Variants in TUBGCP2 observed in about 807,000 individuals in gnomAD.
TUBGCP2 encodes the protein tubulin gamma complex component 2, also known as gamma-tubulin complex component 2.
In TUBGCP2, 55 loss-of-function variants were observed where a neutral mutation model predicts 92.2. The ratio of observed to expected loss-of-function variants is 0.60; its 90% CI spans 0.48 to 0.75. The LOEUF is 0.75. TUBGCP2 is among the 30% of genes least tolerant of loss of function. The pLI, the probability that TUBGCP2 is intolerant of heterozygous loss-of-function variation, is 0.00. For missense variants in TUBGCP2, 1,093 were observed against 1,188.9 expected, an observed-to-expected ratio of 0.92 and a Z score of 1.19; for synonymous variants, 533 against 505.2, an observed-to-expected ratio of 1.06 and a Z score of -0.74.
chr10:133,310,109 A>C (rs1847955083), upstream of TUBGCP2: 2 of 1,612,002 alleles, frequency 1.2e-6, no homozygotes, highest in South Asian at 2.2e-5. Flanking sequence ...CTACGGGGGC[A>C]TGGCGGTGGG....
chr10:133,283,088 T>C lies in TUBGCP2; in HGVS notation c.2279A>G (p.Asn760Ser). The change falls in exon 15 of 18, where the codon AAC (asparagine) becomes AGC (serine). Residue 760 changes from asparagine to serine, a missense_variant. Physicochemically the swap from Asn to Ser is conservative, Grantham distance 46. Coordinates refer to ENST00000252936, the MANE Select transcript of TUBGCP2 (RefSeq NM_006659.4). ...CCCACACCCACGCACCTGCATGCAG[T>C]TGGTGAACATGACGCACACAGACAT... ...KLMSVCVMFT[N>S]CMQKFTQSMK... 6.2e-7 allele frequency: 1 copy of C among 1,614,032 alleles called. No individual in the cohort carries two copies. Among genetic ancestry groups the C allele is most frequent in the Non-Finnish European group, 8.5e-7 (1 of 1,179,966 alleles).
intron 1 of TUBGCP2, among the ~76,000 whole-genome samples, chr10:133,303,775 G>C (rs534293131): frequency 5.1e-4 from 77 of 152,208 alleles, no homozygotes; most frequent in Non-Finnish European, 9.9e-4. Context: ...CTTCTGGTAG[G>C]ACTTCTACAC....
intron 7 of TUBGCP2, 53 bp downstream of exon 7, chr10:133,292,986 T>C (rs552525534): frequency 2.5e-5 from 40 of 1,582,326 alleles, no homozygotes; most frequent in Admixed American, 3.4e-5. Context: ...CTGGGTGCCA[T>C]GTTCAACACC....
At chr10:133,283,687 C>CT (rs1491487067) in intron 14 of TUBGCP2, among the ~76,000 whole-genome samples, 195 bp downstream of exon 14, 2 of 6,312 alleles carry the variant, frequency 3.2e-4, no homozygotes, top group Non-Finnish European at 7.0e-4. Context: ...CTGCCTCTCC[C>CT]GCATTCCCTG....
At chr10:133,287,836 CA>C (rs1343015841) in intron 11 of TUBGCP2, among the ~76,000 whole-genome samples, 2 of 152,180 alleles carry the variant, frequency 1.3e-5, no homozygotes, top group African/African-American at 4.8e-5. Flanking sequence ...GAAACCCTTT[CA>C]AAAGACAGAT....
intron 5 of TUBGCP2, among the ~76,000 whole-genome samples, chr10:133,296,217 G>A (rs1001667573): frequency 6.6e-6 from 1 of 152,158 alleles, no homozygotes; most frequent in Non-Finnish European, 1.5e-5. Context: ...CCCTGAATGG[G>A]GAAACATGGG....
chr10:133,281,235 A>T, intron 17 of TUBGCP2, 38 bp downstream of exon 17: 1 of 1,601,134 alleles, frequency 6.2e-7, no homozygotes, highest in Non-Finnish European at 8.5e-7. Flanking sequence ...CGCTGGACTG[A>T]GCTGAGGAAG....
upstream of TUBGCP2, chr10:133,309,857 G>C: frequency 8.1e-6 from 13 of 1,613,788 alleles, no homozygotes; most frequent in Non-Finnish European, 1.1e-5. Context: ...ACTACCACAC[G>C]CTGCACGGAA....
At chr10:133,283,053 G>C in intron 15 of TUBGCP2, 25 bp downstream of exon 15, 1 of 1,612,144 alleles carries the variant, frequency 6.2e-7, no homozygotes, top group Non-Finnish European at 8.5e-7. Context: ...CTGCCCACCC[G>C]ATGGTGCTAC....
chr10:133,306,047 T>A (rs1564775357), intron 1 of TUBGCP2, among the ~76,000 whole-genome samples: 1 of 152,190 alleles, frequency 6.6e-6, no homozygotes, highest in Non-Finnish European at 1.5e-5. Flanking sequence ...CCATACGTGG[T>A]AAGTTCTTAC....
chr10:133,296,273 G>T lies in TUBGCP2; in HGVS notation c.616+1679C>A, dbSNP rs41283329. 3.0e-3 allele frequency among the ~76,000 whole-genome samples: 453 copies of T among 152,262 alleles called. 1 individual carries two copies. Among genetic ancestry groups the T allele is most frequent in the Non-Finnish European group, 4.2e-3 (288 of 68,006 alleles). Reference sequence around the variant, plus strand: ...TCAGTGCCTCCTGCTCCAAAAAGCCGGCTCCACTGCTGGGATCCCAGGCAG... The same window carrying T: ...TCAGTGCCTCCTGCTCCAAAAAGCCTGCTCCACTGCTGGGATCCCAGGCAG... On this transcript the variant is annotated intron_variant, in intron 5 of 17. Coordinates refer to ENST00000252936, the MANE Select transcript of TUBGCP2 (RefSeq NM_006659.4).
At chr10:133,312,105 G>A, upstream of TUBGCP2, 1 of 1,445,792 alleles carries the variant, frequency 6.9e-7, no homozygotes, top group Non-Finnish European at 9.0e-7. Context: ...TGAGTGGGAT[G>A]GAAAGAGTCT....
At chr10:133,291,354 TCC>T (rs1847299984) in intron 8 of TUBGCP2, among the ~76,000 whole-genome samples, 1 of 2,394 alleles carries the variant, frequency 4.2e-4, no homozygotes, top group Non-Finnish European at 5.9e-4. Context: ...CCCATGTCCC[TCC>T]GTGTCCCCGT....
intron 7 of TUBGCP2, 66 bp from the exon 8 acceptor site, chr10:133,292,754 T>G: frequency 6.5e-7 from 1 of 1,531,986 alleles, no homozygotes; most frequent in Non-Finnish European, 8.8e-7. Flanking sequence ...CCAACAACAC[T>G]GCTGGGGCCC....
intron 14 of TUBGCP2, 80 bp downstream of exon 14, chr10:133,283,802 C>A: frequency 1.9e-6 from 3 of 1,581,072 alleles, no homozygotes; most frequent in Non-Finnish European, 2.6e-6. Context: ...CTCCCCTCGC[C>A]CTGCCTCTCC....
In TUBGCP2 at chr10:133,308,781, A is replaced by G. The variant is rs1355940466; in HGVS notation, c.-40+42T>C. 2.1e-5 allele frequency: 9 copies of G among 424,544 alleles called. No individual in the cohort carries two copies. In the South Asian group the frequency reaches 1.1e-3, roughly 51 times the overall value. The allele number at this position is 424,544 out of a possible 1,614,324, so 26.3% of individuals were successfully genotyped here. ...CCCCCCCGGGCCTGGCAGTCCCCCA[A>G]CCCCCTCATCACGCCCGCGCCCGCG... On this transcript the variant is annotated intron_variant, in intron 1 of 17. Transcript: ENST00000252936.
At chr10:133,283,271 G>A (rs748667997) in intron 14 of TUBGCP2, 50 bp from the exon 15 acceptor site, 288 of 1,611,280 alleles carry the variant, frequency 1.8e-4, no homozygotes, top group Non-Finnish European at 2.4e-4. Flanking sequence ...GCTGACAGAC[G>A]GGCCCTGCAT....
upstream of TUBGCP2, chr10:133,309,857 G>A (rs1847947825): frequency 3.1e-6 from 5 of 1,613,670 alleles, no homozygotes; most frequent in Non-Finnish European, 4.2e-6. Context: ...ACTACCACAC[G>A]CTGCACGGAA....
At chr10:133,308,949 G>T (rs1205316551), upstream of TUBGCP2, 14 of 1,232,930 alleles carry the variant, frequency 1.1e-5, no homozygotes, top group Non-Finnish European at 1.4e-5. Flanking sequence ...GGGTGATGCA[G>T]TTGCCCCCCG....
Sources: gnomAD v4.1 joint callset for allele counts (sites outside exome capture counted in the v4.1 genomes callset) on GRCh38, gnomAD v4.1.1 for gene constraint, MANE v1.5 for transcripts, NCBI Gene and HGNC (gene_info 2026-07-23, HGNC 2026-07-21) for gene names.